Variants in BBC3 observed in about 807,000 individuals in gnomAD.
The protein encoded by BBC3 is BCL2 binding component 3, also known as bcl-2-binding component 3.
BBC3 carries 5 observed loss-of-function variants against 18.2 expected under a neutral mutation model. The observed-to-expected ratio is 0.27, with a 90% CI of 0.14 to 0.58. The LOEUF (loss-of-function observed/expected upper bound fraction) is 0.58, where lower values mean the gene tolerates loss of function less well. Among genes scored for constraint, BBC3 ranks in the 20% least tolerant of loss-of-function variants. The pLI is 0.91. For synonymous variants in BBC3, 119 were observed against 128.0 expected (o/e 0.93, Z 0.47); for missense variants, 224 against 268.9 (o/e 0.83, Z 1.17).
chr19:47,226,814 C>T (rs992160258), intron 2 of BBC3, 60 bp from the exon 3 acceptor site: 2 of 1,306,228 alleles, frequency 1.5e-6, no homozygotes, highest in East Asian at 6.3e-5. Flanking sequence ...CGAGGTGTCT[C>T]GGCCTGCTCC....
At chr19:47,232,530 G>A, upstream of BBC3, 2 of 1,548,906 alleles carry the variant, frequency 1.3e-6, no homozygotes, top group Non-Finnish European at 1.7e-6. Context: ...ATCTGGCAGG[G>A]GACCCACGTC....
chr19:47,229,758 C>T (rs78449740), intron 1 of BBC3, among the ~76,000 whole-genome samples: 6 of 151,924 alleles, frequency 3.9e-5, no homozygotes, highest in Non-Finnish European at 7.4e-5. Context: ...AAATCCCAGA[C>T]GCTGATGCCA....
At position 47,228,516 on chromosome 19, in the gene BBC3, G is replaced by T; in HGVS notation, c.-15-70C>A. On this transcript the variant is annotated intron_variant, in intron 1 of 3. Coordinates refer to ENST00000439096, the MANE Select transcript of BBC3 (RefSeq NM_014417.5). This position sits in a 1 kb window ranked among gnomAD's most constrained non-coding sequence, Gnocchi z 5.5. ...GGCCCACTGTACCTCCAGCCTACCCGGGGTTAGGACCCAGATGGAGAAGAG... is the reference window on the plus strand; with the variant it reads ...GGCCCACTGTACCTCCAGCCTACCCTGGGTTAGGACCCAGATGGAGAAGAG... 8.2e-7 allele frequency: 1 copy of T among 1,213,294 alleles called. No individual in the cohort carries two copies. The highest frequency in any genetic ancestry group is 4.2e-5 in the South Asian group (1 of 23,872). The allele number at this position is 1,213,294 out of a possible 1,614,324, so 75.2% of individuals were successfully genotyped here. A position where few individuals can be genotyped will look rare whatever the true frequency, so the allele number is the denominator to read the frequency against.
chr19:47,228,275 G>GGGTGGGGGC lies in BBC3; in HGVS notation c.148_156dup (p.Ala50_Thr52dup). 8.2e-7 allele frequency: 1 copy of GGGTGGGGGC among 1,217,400 alleles called. No homozygotes were observed. The highest frequency in any genetic ancestry group is 1.0e-6 in the Non-Finnish European group (1 of 978,720). 75.4% of individuals were successfully genotyped at this position (1,217,400 alleles called of 1,614,324 possible). On this transcript the variant is annotated inframe_insertion, in exon 2 of 4. Transcript: ENST00000439096. The surrounding 1 kb of genome is among the most constrained non-coding windows in gnomAD (Gnocchi z 5.5). The stretch of plus-strand genomic sequence containing the variant: ...GCGCAGAGGTAGGCAGCGGGCAGCA[G>GGGTGGGGGC]GGTGGGGGCGGCGGGGGCGGCAGCC...
intron 2 of BBC3, chr19:47,227,324 C>A (rs112701711): frequency 0.097 from 13,183 of 136,044 alleles, 994 homozygotes; most frequent in Middle Eastern, 0.18. Context: ...CCCCCCCCCC[C>A]CCCACTTCTG....
chr19:47,227,869 G>A (rs2058856021), intron 2 of BBC3, among the ~76,000 whole-genome samples: 1 of 152,206 alleles, frequency 6.6e-6, no homozygotes, highest in African/African-American at 2.4e-5. Context: ...CAGACTGGGG[G>A]AGGGGAGCTG....
rs2058758536 is a variant in BBC3 at position 47,222,040 on chromosome 19, C to A, written c.466-122G>T. 4 of 865,818 alleles carry A rather than the reference C, an allele frequency of 4.6e-6. No individual in the cohort carries two copies. The East Asian group carries it at 8.9e-5, about 19-fold the overall frequency. 53.6% of individuals were successfully genotyped at this position (865,818 alleles called of 1,614,324 possible). On this transcript the variant is annotated intron_variant, in intron 3 of 3. Coordinates refer to ENST00000439096, the MANE Select transcript of BBC3 (RefSeq NM_014417.5). ...GCCCACCCTATTCCAGCTCCTCCCC[C>A]CGCCTGGGCTAATGTCCATGTCTCG...
At chr19:47,225,566 C>T (rs2058804933) in intron 3 of BBC3, among the ~76,000 whole-genome samples, 1 of 150,878 alleles carries the variant, frequency 6.6e-6, no homozygotes, top group African/African-American at 2.4e-5. Flanking sequence ...TTATGTGGCC[C>T]AGGCTGGTCT....
chr19:47,229,306 G>C (rs764013937), intron 1 of BBC3, among the ~76,000 whole-genome samples: 2 of 150,404 alleles, frequency 1.3e-5, no homozygotes, highest in Non-Finnish European at 3.0e-5. Context: ...AGACACCCAC[G>C]GACACACATA....
rs778420100 is a variant in BBC3, at chr19:47,226,559, C to A, written c.465+5G>T. On this transcript the variant is annotated splice_donor_5th_base_variant and intron_variant, in intron 3 of 3. Coordinates refer to ENST00000439096, the MANE Select transcript of BBC3 (RefSeq NM_014417.5). The stretch of plus-strand genomic sequence containing the variant: ...CCTGCCGTCTACCCCACCCCCAGCA[C>A]TCACCCGCCGCTCGTACTGTGCGTT... 1 of 1,549,982 alleles carries A rather than the reference C, an allele frequency of 6.5e-7. No individual in the cohort carries two copies. The highest frequency in any genetic ancestry group is 8.7e-7 in the Non-Finnish European group (1 of 1,149,638).
At position 47,221,372 on chromosome 19, in the gene BBC3, G is replaced by T. The variant is rs1008246613; in HGVS notation, c.*430C>A. 8 of 260,352 alleles carry T rather than the reference G, an allele frequency of 3.1e-5. No individual in the cohort carries two copies. The highest frequency in any genetic ancestry group is 5.7e-5 in the Admixed American group (1 of 17,576). 16.1% of individuals were successfully genotyped at this position (260,352 alleles called of 1,614,324 possible). On this transcript the variant is annotated 3_prime_UTR_variant, in exon 4 of 4. Transcript: ENST00000439096. ...CGGGCCCCCTCCCAGGAGGAGGGGG[G>T]GAAGCACCAGGGGCCTGAGGCCAGG...
At chr19:47,223,436 A>G (rs2058775072) in intron 3 of BBC3, among the ~76,000 whole-genome samples, 1 of 151,460 alleles carries the variant, frequency 6.6e-6, no homozygotes, top group Admixed American at 6.6e-5. Context: ...GCCTGGTGGC[A>G]CACACCTGTA....
chr19:47,226,850 C>A, intron 2 of BBC3, 96 bp from the exon 3 acceptor site: 1 of 1,105,302 alleles, frequency 9.0e-7, no homozygotes, highest in Non-Finnish European at 1.2e-6. Flanking sequence ...CTGCTCCCCG[C>A]CTCATTTCTA....
At chr19:47,227,591 G>A (rs1600247293) in intron 2 of BBC3, among the ~76,000 whole-genome samples, 1 of 152,116 alleles carries the variant, frequency 6.6e-6, no homozygotes, top group South Asian at 2.1e-4. Context: ...GGGGCTCCAC[G>A]GGCACCACAG....
chr19:47,231,356 C>T (rs975016101), upstream of BBC3: 8 of 303,306 alleles, frequency 2.6e-5, no homozygotes, highest in African/African-American at 1.1e-4. This position sits in a 1 kb window ranked among gnomAD's most constrained non-coding sequence, Gnocchi z 4.0. Flanking sequence ...GCCGCGCCCC[C>T]CCCTACCTCC....
intron 3 of BBC3, among the ~76,000 whole-genome samples, chr19:47,224,354 A>G (rs1249548187): frequency 1.3e-5 from 2 of 152,116 alleles, no homozygotes; most frequent in Non-Finnish European, 2.9e-5. Context: ...TGGGTGAGGT[A>G]GCTCAGACCC....
At chr19:47,224,860 TC>T (rs1456959037) in intron 3 of BBC3, among the ~76,000 whole-genome samples, 1 of 151,230 alleles carries the variant, frequency 6.6e-6, no homozygotes, top group African/African-American at 2.4e-5. Context: ...TGCCTCAGTC[TC>T]CCAAGTAGCT....
rs1221536630 is a variant in BBC3 at position 47,230,567 on chromosome 19, C to A, written c.-16+362G>T. 1.3e-5 allele frequency among the ~76,000 whole-genome samples: 2 copies of A among 151,348 alleles called. No individual in the cohort carries two copies. The highest frequency in any genetic ancestry group is 3.0e-5 in the Non-Finnish European group (2 of 67,762). The stretch of plus-strand genomic sequence containing the variant: ...AGCGGGCGCGCGCCCTGGGTGTGGC[C>A]GCCCCTCCGTGCCGCCCCCCCGCCC... On this transcript the variant is annotated intron_variant, in intron 1 of 3. Coordinates refer to ENST00000439096, the MANE Select transcript of BBC3 (RefSeq NM_014417.5). The surrounding 1 kb of genome is among the most constrained non-coding windows in gnomAD (Gnocchi z 6.7).
chr19:47,231,048 T>C lies in BBC3; in HGVS notation c.-135A>G. Reference sequence around the variant, plus strand: ...CTGCTGCTGTGGCTGTCGCTGCTGCTGCCGCTCTAACTGCAGTGGCGGCTG... The same window carrying C: ...CTGCTGCTGTGGCTGTCGCTGCTGCCGCCGCTCTAACTGCAGTGGCGGCTG... On this transcript the variant is annotated 5_prime_UTR_variant, in exon 1 of 4. Transcript: ENST00000439096. This position sits in a 1 kb window ranked among gnomAD's most constrained non-coding sequence, Gnocchi z 4.0. The C allele has an allele frequency of 2.1e-6, 2 of 973,532 alleles. No individual in the cohort carries two copies. The highest frequency in any genetic ancestry group is 1.1e-4 in the East Asian group (1 of 8,770). 60.3% of individuals were successfully genotyped at this position (973,532 alleles called of 1,614,324 possible). A position where few individuals can be genotyped will look rare whatever the true frequency, so the allele number is the denominator to read the frequency against.
Sources: gnomAD v4.1 joint callset for allele counts (sites outside exome capture counted in the v4.1 genomes callset) on GRCh38, gnomAD v4.1.1 for gene constraint, Gnocchi (gnomAD v3.1) non-coding constraint, MANE v1.5 for transcripts, NCBI Gene and HGNC (gene_info 2026-07-23, HGNC 2026-07-21) for gene names.